PPP1R2: variants seen among roughly 807,000 people sequenced by gnomAD.
PPP1R2 encodes the protein protein phosphatase inhibitor 2.
A neutral mutation model predicts 29.9 loss-of-function variants in PPP1R2; 16 were observed. That is an observed-to-expected ratio of 0.53 (90% CI 0.36 to 0.81). The LOEUF is 0.81. Ranked by LOEUF, PPP1R2 falls within the 30% of genes least tolerant of loss-of-function variation. PPP1R2 has a pLI of 0.00. For synonymous variants in PPP1R2, 76 were observed against 91.5 expected, an observed-to-expected ratio of 0.83 and a Z score of 0.96; for missense variants, 197 against 252.7, an observed-to-expected ratio of 0.78 and a Z score of 1.49.
chr3:195,540,374 C>T (rs1719550221), intron 1 of PPP1R2, among the ~76,000 whole-genome samples: 1 of 152,056 alleles, frequency 6.6e-6, no homozygotes, highest in African/African-American at 2.4e-5. Flanking sequence ...AAAATGGCTC[C>T]CAAGTGTAAA....
rs1413020757 is a variant in PPP1R2 at position 195,516,688 on chromosome 3, T to A, written c.*208A>T. The A allele has an allele frequency of 1.9e-6, 1 of 520,216 alleles. No homozygotes were observed. 32.2% of individuals were successfully genotyped at this position (520,216 alleles called of 1,614,324 possible). A position where few individuals can be genotyped will look rare whatever the true frequency, so the allele number is the denominator to read the frequency against. Reference sequence around the variant, plus strand: ...GACTGATGATATTACACTGTATTTGTGGTAAAGTACTAGGCACAAGAATAT... The same window carrying A: ...GACTGATGATATTACACTGTATTTGAGGTAAAGTACTAGGCACAAGAATAT... On this transcript the variant is annotated 3_prime_UTR_variant, in exon 6 of 6. Coordinates refer to ENST00000618156, the MANE Select transcript of PPP1R2 (RefSeq NM_006241.8).
At chr3:195,520,331 T>A (rs1222027865) in intron 4 of PPP1R2, among the ~76,000 whole-genome samples, 1 of 152,088 alleles carries the variant, frequency 6.6e-6, no homozygotes, top group Admixed American at 6.5e-5. Flanking sequence ...TTATTAAAAA[T>A]TTCATCAAAA....
In PPP1R2 at chr3:195,543,280, G is replaced by C. The variant is rs2108958864; in HGVS notation, c.-255C>G. On this transcript the variant is annotated 5_prime_UTR_variant, in exon 1 of 6. Transcript: ENST00000618156. Reference sequence around the variant, plus strand: ...GCACTTGACCCGCGGCTCGCGGAGAGACGCCGGCCTAGAGCTCCAGCGCAG... The same window carrying C: ...GCACTTGACCCGCGGCTCGCGGAGACACGCCGGCCTAGAGCTCCAGCGCAG... The C allele has an allele frequency of 5.3e-6, 2 of 374,440 alleles. No individual in the cohort carries two copies. Among genetic ancestry groups the C allele is most frequent in the Non-Finnish European group, 9.5e-6 (2 of 209,946 alleles). 23.2% of individuals were successfully genotyped at this position (374,440 alleles called of 1,614,324 possible).
chr3:195,538,971 A>G (rs1309144733), intron 1 of PPP1R2, among the ~76,000 whole-genome samples: 1 of 152,248 alleles, frequency 6.6e-6, no homozygotes, highest in African/African-American at 2.4e-5. Flanking sequence ...CCACTAAACT[A>G]TAATCCTTCT....
In PPP1R2 at chr3:195,528,738, A is replaced by G. The variant is rs551177566; in HGVS notation, c.230+1056T>C. On this transcript the variant is annotated intron_variant, in intron 2 of 5. Transcript: ENST00000618156. ...TTTTTTTTTTTTTTTTTTTTGTAGA[A>G]AGAGTCTTACTATGTTGCTTAGGCT... is the stretch of plus-strand genomic sequence containing the variant. 5 of 81,116 alleles carry G rather than the reference A, an allele frequency of 6.2e-5. No individual in the cohort carries two copies. In the South Asian group the frequency reaches 2.4e-3, roughly 39 times the overall value. The allele number at this position is 81,116 out of a possible 1,614,324, so 5.0% of individuals were successfully genotyped here. A position where few individuals can be genotyped will look rare whatever the true frequency, so the allele number is the denominator to read the frequency against.
rs1324330955 is a variant in PPP1R2, at chr3:195,524,864, T to C, written c.263A>G (p.Asp88Gly). The C allele has an allele frequency of 5.0e-6, 8 of 1,614,084 alleles. No homozygotes were observed. Among genetic ancestry groups the C allele is most frequent in the Non-Finnish European group, 6.8e-6 (8 of 1,180,006 alleles). Residue 88 changes from aspartate (D) to glycine (G), a missense_variant, in exon 3 of 6, where the codon GAC becomes GGC. Physicochemically the swap from Asp to Gly is moderately conservative, Grantham distance 94. Coordinates refer to ENST00000618156, the MANE Select transcript of PPP1R2 (RefSeq NM_006241.8). ...MMGDDEDACS[D>G]TEATEAMAPD... ...CGCCATGGCTTCAGTGGCCTCGGTG[T>C]CACTACAGGCATCTTCATCATCCCC... is the stretch of plus-strand genomic sequence containing the variant.
At chr3:195,534,505 G>A (rs1274961701) in intron 1 of PPP1R2, among the ~76,000 whole-genome samples, 3 of 152,138 alleles carry the variant, frequency 2.0e-5, no homozygotes, top group Non-Finnish European at 2.9e-5. Flanking sequence ...ACTGTCTTGT[G>A]CCAATGCAGT....
intron 2 of PPP1R2, 39 bp from the exon 3 acceptor site, chr3:195,524,935 T>C (rs375047226): frequency 7.1e-6 from 11 of 1,551,752 alleles, no homozygotes. Flanking sequence ...ACCTGAAACA[T>C]ACATTTTCAG....
At chr3:195,530,994 TG>T (rs1287475394) in intron 1 of PPP1R2, among the ~76,000 whole-genome samples, 2 of 151,870 alleles carry the variant, frequency 1.3e-5, no homozygotes, top group African/African-American at 4.8e-5. Flanking sequence ...GGCTAATTTT[TG>T]TATTTTTGGT....
intron 2 of PPP1R2, chr3:195,529,247 T>A (rs1020656210): frequency 6.6e-6 from 1 of 152,264 alleles, no homozygotes; most frequent in African/African-American, 2.4e-5. Flanking sequence ...ATTATTTTTG[T>A]CTTCATACTG....
At position 195,543,232 on chromosome 3, in the gene PPP1R2, T is replaced by G. The variant is rs1019165473; in HGVS notation, c.-207A>C. ...GAGCCAACGCCGAACGGGTGGCGGCTACTCGCGCACCCTTAGCCACTGGCA... is the reference window on the plus strand; with the variant it reads ...GAGCCAACGCCGAACGGGTGGCGGCGACTCGCGCACCCTTAGCCACTGGCA... On this transcript the variant is annotated 5_prime_UTR_variant, in exon 1 of 6. Coordinates refer to ENST00000618156, the MANE Select transcript of PPP1R2 (RefSeq NM_006241.8). The G allele has an allele frequency of 1.6e-6, 1 of 624,178 alleles. No individual in the cohort carries two copies. Among genetic ancestry groups the G allele is most frequent in the South Asian group, 2.3e-5 (1 of 44,022 alleles). 38.7% of individuals were successfully genotyped at this position (624,178 alleles called of 1,614,324 possible). A position where few individuals can be genotyped will look rare whatever the true frequency, so the allele number is the denominator to read the frequency against.
intron 2 of PPP1R2, chr3:195,529,275 T>C (rs973830100): frequency 6.6e-6 from 1 of 152,368 alleles, no homozygotes; most frequent in African/African-American, 2.4e-5. Context: ...CTGCGTAATG[T>C]AATTTCACAA....
chr3:195,529,470 T>C (rs893508757), intron 2 of PPP1R2: 3 of 184,120 alleles, frequency 1.6e-5, no homozygotes, highest in Non-Finnish European at 3.4e-5. Flanking sequence ...AGATTTCTAC[T>C]TGGGAAGCAA....
At chr3:195,531,318 C>T (rs1257861110) in intron 1 of PPP1R2, among the ~76,000 whole-genome samples, 1 of 152,100 alleles carries the variant, frequency 6.6e-6, no homozygotes, top group Non-Finnish European at 1.5e-5. Flanking sequence ...AAAAACCTGC[C>T]TTAAAAAGAA....
At chr3:195,539,167 G>T (rs1719499421) in intron 1 of PPP1R2, among the ~76,000 whole-genome samples, 1 of 152,106 alleles carries the variant, frequency 6.6e-6, no homozygotes, top group Non-Finnish European at 1.5e-5. Flanking sequence ...TTTTCATTAA[G>T]ATACACATAT....
chr3:195,540,940 T>A (rs561823905), intron 1 of PPP1R2, among the ~76,000 whole-genome samples: 6 of 152,298 alleles, frequency 3.9e-5, no homozygotes, highest in African/African-American at 1.4e-4. Context: ...TTTATTTGCT[T>A]TACAGTCACA....
chr3:195,541,427 T>C (rs1187170356), intron 1 of PPP1R2, among the ~76,000 whole-genome samples: 1 of 151,518 alleles, frequency 6.6e-6, no homozygotes, highest in Non-Finnish European at 1.5e-5. Flanking sequence ...TTACGTTACT[T>C]ATCTTTTAAT....
intron 1 of PPP1R2, among the ~76,000 whole-genome samples, chr3:195,534,034 G>A (rs183634571): frequency 1.7e-3 from 256 of 152,270 alleles, no homozygotes; most frequent in Non-Finnish European, 2.1e-3. Context: ...AATGAGAAAG[G>A]GCCAGGTGCA....
In PPP1R2 at chr3:195,514,472, T is replaced by A. The variant is rs1309230942; in HGVS notation, c.*2424A>T. 6.6e-6 allele frequency: 1 copy of A among 152,176 alleles called. No individual in the cohort carries two copies. The highest frequency in any genetic ancestry group is 1.5e-5 in the Non-Finnish European group (1 of 68,042). 9.4% of individuals were successfully genotyped at this position (152,176 alleles called of 1,614,324 possible). A position where few individuals can be genotyped will look rare whatever the true frequency, so the allele number is the denominator to read the frequency against. On this transcript the variant is annotated 3_prime_UTR_variant, in exon 6 of 6. Transcript: ENST00000618156. ...TACAGTACGTGTAGTGTATACTAAC[T>A]GAAAGGGAAAAATGTAAACAAAACC... is the stretch of plus-strand genomic sequence containing the variant.
Sources: gnomAD v4.1 joint callset for allele counts (sites outside exome capture counted in the v4.1 genomes callset) on GRCh38, gnomAD v4.1.1 for gene constraint, MANE v1.5 for transcripts, NCBI Gene and HGNC (gene_info 2026-07-23, HGNC 2026-07-21) for gene names.